The following SCFD2 variants were observed in gnomAD, a reference collection of about 807,000 sequenced individuals.
SCFD2 encodes the protein sec1 family domain-containing protein 2.
In SCFD2, 54 loss-of-function variants were observed where a neutral mutation model predicts 58.9. That is an observed-to-expected ratio of 0.92 (90% CI 0.74 to 1.15). SCFD2 has a LOEUF of 1.15. Among genes scored for constraint, SCFD2 ranks in the 50% most tolerant of loss-of-function variants. The pLI, the probability that SCFD2 is intolerant of heterozygous loss-of-function variation, is 0.00. For synonymous variants in SCFD2, 321 were observed against 335.9 expected (o/e 0.96, Z 0.49); for missense variants, 805 against 836.6 (o/e 0.96, Z 0.47).
chr4:52,914,837 C>T (rs1399916190), intron 6 of SCFD2, among the ~76,000 whole-genome samples: 4 of 152,046 alleles, frequency 2.6e-5, no homozygotes, highest in Admixed American at 6.6e-5. Flanking sequence ...AAGGTCATAT[C>T]GTGGCCCTGT....
chr4:52,895,269 C>A (rs1232942185), intron 7 of SCFD2, among the ~76,000 whole-genome samples: 3 of 152,052 alleles, frequency 2.0e-5, no homozygotes, highest in African/African-American at 7.3e-5. Context: ...GTGCTGCACC[C>A]ATTAACTCAT....
At chr4:53,193,029 G>A (rs1278973394) in intron 4 of SCFD2, among the ~76,000 whole-genome samples, 1 of 152,052 alleles carries the variant, frequency 6.6e-6, no homozygotes, top group Admixed American at 6.6e-5. Context: ...TATTGTAAAC[G>A]AGTTGTAAGC....
chr4:53,199,394 T>C (rs1405559857), intron 4 of SCFD2, among the ~76,000 whole-genome samples: 1 of 152,108 alleles, frequency 6.6e-6, no homozygotes, highest in Non-Finnish European at 1.5e-5. Context: ...TTGGGTTGTG[T>C]AGTATAAGAA....
intron 5 of SCFD2, among the ~76,000 whole-genome samples, chr4:52,980,714 C>T (rs1163406720): frequency 6.6e-6 from 1 of 152,180 alleles, no homozygotes; most frequent in Non-Finnish European, 1.5e-5. Flanking sequence ...CCAGAATCCT[C>T]TTCCTGGGAC....
Position 53,203,063 on chromosome 4 carries a change from G to A in SCFD2, c.1312-57481C>T, listed in dbSNP as rs529306569. Among the ~76,000 whole-genome samples, 10 of 152,238 alleles carry A rather than the reference G, an allele frequency of 6.6e-5. No homozygotes were observed. In the East Asian group the frequency reaches 9.7e-4, roughly 15 times the overall value. ...CCCTGGCCAGAACTTCCAACACTAC[G>A]TTGAATAGGAGTGGTGAGGGAGGGC... On this transcript the variant is annotated intron_variant, in intron 4 of 8. Coordinates refer to ENST00000401642, the MANE Select transcript of SCFD2 (RefSeq NM_152540.4).
At chr4:53,055,362 G>A (rs1028316844) in intron 5 of SCFD2, among the ~76,000 whole-genome samples, 4 of 152,092 alleles carry the variant, frequency 2.6e-5, no homozygotes, top group African/African-American at 7.2e-5. Context: ...AATGGTGGAC[G>A]ACAGGCAGAA....
chr4:53,079,444 C>T (rs7680196), intron 5 of SCFD2, among the ~76,000 whole-genome samples: 147,284 of 152,300 alleles, frequency 0.97, 71,389 homozygotes, highest in Middle Eastern at 1. Context: ...CCAAGTCAAG[C>T]TGACACATAA....
At chr4:52,882,232 G>A (rs1212065942) in intron 8 of SCFD2, among the ~76,000 whole-genome samples, 2 of 152,280 alleles carry the variant, frequency 1.3e-5, no homozygotes, top group East Asian at 1.9e-4. Context: ...ACCTGGGGGA[G>A]GACATGGGAG....
chr4:53,133,594 A>T (rs373454127), intron 5 of SCFD2, among the ~76,000 whole-genome samples: 25 of 152,216 alleles, frequency 1.6e-4, no homozygotes, highest in African/African-American at 5.1e-4. Context: ...CAAAGAAGAG[A>T]GATAACATAA....
intron 8 of SCFD2, 84 bp from the exon 9 acceptor site, chr4:52,874,145 C>A: frequency 2.1e-6 from 2 of 942,506 alleles, no homozygotes; most frequent in Non-Finnish European, 3.4e-6. Flanking sequence ...TAGAATGCAA[C>A]AAATGTCTTT....
At chr4:52,924,274 G>A (rs200235055) in intron 5 of SCFD2, among the ~76,000 whole-genome samples, 7 of 152,072 alleles carry the variant, frequency 4.6e-5, no homozygotes, top group African/African-American at 9.7e-5. Flanking sequence ...ATACATGAAA[G>A]TTATGGATTA....
chr4:53,248,691 T>G (rs984497845), intron 4 of SCFD2, among the ~76,000 whole-genome samples: 2 of 151,824 alleles, frequency 1.3e-5, no homozygotes, highest in African/African-American at 4.8e-5. Flanking sequence ...CGGGTACTCC[T>G]CAGGGTCTGG....
At chr4:53,042,074 G>A (rs1722914299) in intron 5 of SCFD2, among the ~76,000 whole-genome samples, 1 of 152,120 alleles carries the variant, frequency 6.6e-6, no homozygotes, top group Admixed American at 6.6e-5. Context: ...ACTTCTCTCA[G>A]CAGAGCTGTA....
chr4:53,013,071 A>G (rs897144043), intron 5 of SCFD2, among the ~76,000 whole-genome samples: 1 of 152,166 alleles, frequency 6.6e-6, no homozygotes, highest in Non-Finnish European at 1.5e-5. Context: ...GACAACAAAC[A>G]CATTTGCACT....
At chr4:53,042,645 G>A (rs6825075) in intron 5 of SCFD2, among the ~76,000 whole-genome samples, 29,097 of 151,920 alleles carry the variant, frequency 0.19, 4,828 homozygotes, top group African/African-American at 0.45. Flanking sequence ...AAATATTCTC[G>A]AAAACAAAAT....
At chr4:53,148,410 A>T (rs1726402474) in intron 4 of SCFD2, among the ~76,000 whole-genome samples, 1 of 152,198 alleles carries the variant, frequency 6.6e-6, no homozygotes, top group Non-Finnish European at 1.5e-5. Flanking sequence ...CGAAGCCTAT[A>T]ACTGATCTGA....
At chr4:53,201,895 G>C (rs1236479350) in intron 4 of SCFD2, among the ~76,000 whole-genome samples, 1 of 152,120 alleles carries the variant, frequency 6.6e-6, no homozygotes, top group Non-Finnish European at 1.5e-5. Flanking sequence ...TTGTAAATTT[G>C]TTTGAGTTCA....
At chr4:53,017,108 A>T (rs1469190277) in intron 5 of SCFD2, among the ~76,000 whole-genome samples, 2 of 96,774 alleles carry the variant, frequency 2.1e-5, no homozygotes, top group Non-Finnish European at 3.6e-5. Context: ...ACTCCGTCTC[A>T]CACACACACA....
At chr4:53,107,917 A>C (rs1209441440) in intron 5 of SCFD2, among the ~76,000 whole-genome samples, 1 of 152,220 alleles carries the variant, frequency 6.6e-6, no homozygotes, top group African/African-American at 2.4e-5. Flanking sequence ...AATCAACAGA[A>C]TATACCTTCT....
Sources: allele counts gnomAD v4.1 joint callset (sites outside exome capture counted in the v4.1 genomes callset), GRCh38; gene constraint gnomAD v4.1.1; transcripts MANE v1.5; gene names NCBI Gene and HGNC (gene_info 2026-07-23, HGNC 2026-07-21).